Variants in DOCK7 observed in about 807,000 individuals in gnomAD.
DOCK7 encodes dedicator of cytokinesis 7.
In DOCK7, 138 loss-of-function variants were observed where a neutral mutation model predicts 271.0. That is an observed-to-expected ratio of 0.51 (90% CI 0.44 to 0.59). The LOEUF (loss-of-function observed/expected upper bound fraction) is 0.59, where lower values mean the gene tolerates loss of function less well. Ranked by LOEUF, DOCK7 falls within the 20% of genes least tolerant of loss-of-function variation. DOCK7 has a pLI of 0.00. For missense variants in DOCK7, 2,066 were observed against 2,592.4 expected (o/e 0.80, Z 4.41); for synonymous variants, 823 against 876.1 (o/e 0.94, Z 1.07).
intron 1 of DOCK7, among the ~76,000 whole-genome samples, chr1:62,664,466 G>GGT (rs1659042246): frequency 6.6e-6 from 1 of 152,066 alleles, no homozygotes; most frequent in African/African-American, 2.4e-5. Context: ...TGCCATGATT[G>GGT]TGAGGCCTCC....
chr1:62,553,324 A>ATATATATATG (rs1557705976), intron 21 of DOCK7, among the ~76,000 whole-genome samples: 1 of 6,698 alleles, frequency 1.5e-4, no homozygotes, highest in African/African-American at 7.5e-4. Context: ...ATATATATAT[A>ATATATATATG]TATATATATA....
chr1:62,656,257 A>G (rs1658001259), intron 2 of DOCK7, among the ~76,000 whole-genome samples: 1 of 152,232 alleles, frequency 6.6e-6, no homozygotes, highest in East Asian at 1.9e-4. Context: ...AAACACAGCA[A>G]AATGTCCTTA....
In DOCK7 at chr1:62,647,775, TC is replaced by T. The variant is rs771871293; in HGVS notation, c.733del (p.Glu245LysfsTer4). 4 of 1,597,844 alleles carry T rather than the reference TC, an allele frequency of 2.5e-6. No homozygotes were observed. Among genetic ancestry groups the T allele is most frequent in the Non-Finnish European group, 3.4e-6 (4 of 1,174,604 alleles). ...AACACTAAGCCGTTCTATTGGTTCT[TC>T]CTACAAATTGAAAAGCAACACCAAA... Reference protein sequence around the residue: ...LFALHPSPDEEEPIERLSVPD... With the variant: ...LFALHPSPDEXEPIERLSVPD... On this transcript the variant is annotated frameshift_variant and splice_region_variant, in exon 7 of 50. Transcript: ENST00000635253. LOFTEE classifies it high-confidence loss of function.
intron 16 of DOCK7, among the ~76,000 whole-genome samples, chr1:62,581,429 G>A (rs2149489262): frequency 1.3e-5 from 2 of 152,220 alleles, no homozygotes; most frequent in East Asian, 1.9e-4. Context: ...TAATAAAAAT[G>A]GAGAGTAAGA....
chr1:62,631,520 G>GA, intron 10 of DOCK7, 115 bp from the exon 11 acceptor site: 1 of 902,156 alleles, frequency 1.1e-6, no homozygotes, highest in Non-Finnish European at 1.6e-6. Flanking sequence ...GCAGAGATGA[G>GA]AAAAAAATCT....
Position 62,665,056 on chromosome 1 carries a change from G to A in DOCK7, c.39-1926C>T, listed in dbSNP as rs184838632. Among the ~76,000 whole-genome samples the A allele has an allele frequency of 5.3e-5, 8 of 152,228 alleles. No individual in the cohort carries two copies. The East Asian group carries it at 1.4e-3, about 26-fold the overall frequency. On this transcript the variant is annotated intron_variant, in intron 1 of 49. Transcript: ENST00000635253. ...TGCTGGAGTGCAGTGGCGCGATCTC[G>A]GCTCACCAAAACCTCCGCCTTCCAG...
intron 14 of DOCK7, 48 bp from the exon 15 acceptor site, chr1:62,586,672 A>G: frequency 8.7e-7 from 1 of 1,144,766 alleles, no homozygotes; most frequent in Non-Finnish European, 1.3e-6. Flanking sequence ...TCTAAGAAAC[A>G]CTATGTATCA....
intron 7 of DOCK7, among the ~76,000 whole-genome samples, chr1:62,637,661 T>G (rs1358109306): frequency 1.3e-5 from 2 of 152,106 alleles, no homozygotes; most frequent in Non-Finnish European, 2.9e-5. Flanking sequence ...ACACAACATA[T>G]TTACATTAGG....
intron 15 of DOCK7, among the ~76,000 whole-genome samples, chr1:62,585,544 A>G (rs1647394965): frequency 6.6e-6 from 1 of 152,104 alleles, no homozygotes. Flanking sequence ...ACAGTCAAGA[A>G]TCTCTAGTCT....
intron 9 of DOCK7, 78 bp downstream of exon 9, chr1:62,634,695 C>G: frequency 7.2e-7 from 1 of 1,394,962 alleles, no homozygotes; most frequent in Non-Finnish European, 9.8e-7. Context: ...AAATCTTTGC[C>G]CTTGAAAAGT....
At chr1:62,511,329 A>G (rs184737009) in intron 33 of DOCK7, 4 of 152,164 alleles carry the variant, frequency 2.6e-5, no homozygotes, top group Admixed American at 1.3e-4. Context: ...GGGTTCCTTT[A>G]AGGGGTGGCA....
chr1:62,685,615 C>T (rs994927107), intron 1 of DOCK7, among the ~76,000 whole-genome samples: 2 of 152,138 alleles, frequency 1.3e-5, no homozygotes, highest in Non-Finnish European at 2.9e-5. Context: ...TCTTCTGCAC[C>T]TTCAACCTGC....
intron 37 of DOCK7, among the ~76,000 whole-genome samples, chr1:62,503,960 T>A (rs1376043731): frequency 6.7e-6 from 1 of 150,338 alleles, no homozygotes; most frequent in Non-Finnish European, 1.5e-5. Context: ...GGCAGGAGAA[T>A]GGCGTGAACC....
intron 14 of DOCK7, among the ~76,000 whole-genome samples, chr1:62,613,772 A>T (rs1242246627): frequency 1.2e-4 from 18 of 152,056 alleles, no homozygotes; most frequent in Admixed American, 1.2e-3. Context: ...TCCCTATGAG[A>T]CCCTTTACAA....
chr1:62,654,151 A>G lies in DOCK7; in HGVS notation c.153T>C (p.Leu51=), dbSNP rs1483577898. The G allele has an allele frequency of 1.2e-6, 2 of 1,611,782 alleles. No individual in the cohort carries two copies. The highest frequency in any genetic ancestry group is 2.7e-5 in the African/African-American group (2 of 74,958). ...GNISHHTTVP[L]TEAVDPVDLE... ...AATCCACTGGATCTACTGCTTCGGTAAGGGGCACCTTTGTAAAAAGTTGGG... is the reference window on the plus strand; with the variant it reads ...AATCCACTGGATCTACTGCTTCGGTGAGGGGCACCTTTGTAAAAAGTTGGG... Residue 51 remains leucine, a synonymous_variant, in exon 3 of 50, where the codon CTT becomes CTC. Coordinates refer to ENST00000635253, the MANE Select transcript of DOCK7 (RefSeq NM_001367561.1).
intron 2 of DOCK7, among the ~76,000 whole-genome samples, chr1:62,655,662 A>C (rs561988977): frequency 6.6e-6 from 1 of 152,154 alleles, no homozygotes; most frequent in Non-Finnish European, 1.5e-5. Flanking sequence ...CCTGAGCTCA[A>C]GCAATCCGCC....
At chr1:62,496,067 G>A (rs1329928819) in intron 38 of DOCK7, among the ~76,000 whole-genome samples, 1 of 152,074 alleles carries the variant, frequency 6.6e-6, no homozygotes, top group South Asian at 2.1e-4. Context: ...AAGTAGGAAC[G>A]TTTCATCATA....
intron 11 of DOCK7, among the ~76,000 whole-genome samples, chr1:62,630,129 T>A (rs758229078): frequency 6.6e-6 from 1 of 151,886 alleles, no homozygotes; most frequent in Non-Finnish European, 1.5e-5. Flanking sequence ...AACCTGGGAG[T>A]GGCCAAACTT....
chr1:62,601,999 T>G (rs1240885743), intron 14 of DOCK7: 1 of 642,352 alleles, frequency 1.6e-6, no homozygotes, highest in South Asian at 1.9e-5. Context: ...TATATGAGTA[T>G]TCGTATAAAT....
Sources: gnomAD v4.1 joint callset for allele counts (sites outside exome capture counted in the v4.1 genomes callset) on GRCh38, gnomAD v4.1.1 for gene constraint, MANE v1.5 for transcripts, NCBI Gene and HGNC (gene_info 2026-07-23, HGNC 2026-07-21) for gene names.